ZZEF1: variants seen among roughly 807,000 people sequenced by gnomAD.
The protein encoded by ZZEF1 is zinc finger ZZ-type and EF-hand domain containing 1.
Under a neutral mutation model 342.8 loss-of-function variants are expected in ZZEF1, and 157 were observed. The ratio of observed to expected loss-of-function variants is 0.46; its 90% CI spans 0.40 to 0.52. ZZEF1 has a LOEUF of 0.52. ZZEF1 is among the 20% of genes least tolerant of loss of function. The pLI is 0.00. For missense variants in ZZEF1, 3,480 were observed against 3,725.6 expected (o/e 0.93, Z 1.72); for synonymous variants, 1,505 against 1,429.1 (o/e 1.05, Z -1.20).
intron 54 of ZZEF1, 118 bp from the exon 55 acceptor site, chr17:4,007,088 T>C: frequency 1.2e-6 from 1 of 854,992 alleles, no homozygotes; most frequent in East Asian, 2.7e-5. Flanking sequence ...GAACCAGATG[T>C]GTTCCCCTCC....
At chr17:4,034,682 G>A (rs1041247881) in intron 39 of ZZEF1, among the ~76,000 whole-genome samples, 1 of 152,108 alleles carries the variant, frequency 6.6e-6, no homozygotes, top group South Asian at 2.1e-4. Flanking sequence ...CTTTTTCTAT[G>A]CATATTTATT....
intron 32 of ZZEF1, 130 bp downstream of exon 32, chr17:4,057,863 TA>T: frequency 1.1e-6 from 1 of 890,108 alleles, no homozygotes; most frequent in Non-Finnish European, 1.7e-6. Context: ...GCCACTCGGC[TA>T]GGATGTGGCA....
Position 4,006,752 on chromosome 17 carries a change from G to A in ZZEF1, c.*138C>T. The stretch of plus-strand genomic sequence containing the variant: ...CACGGGAGCTCTTGGAGACGTGGCT[G>A]CTTGGCATCCTAACTGGAGTGGTCA... On this transcript the variant is annotated 3_prime_UTR_variant, in exon 55 of 55. Coordinates refer to ENST00000381638, the MANE Select transcript of ZZEF1 (RefSeq NM_015113.4). The A allele has an allele frequency of 1.1e-6, 1 of 872,026 alleles. No individual in the cohort carries two copies. Among genetic ancestry groups the A allele is most frequent in the Admixed American group, 2.0e-5 (1 of 49,644 alleles). The allele number at this position is 872,026 out of a possible 1,614,324, so 54.0% of individuals were successfully genotyped here. A position where few individuals can be genotyped will look rare whatever the true frequency, so the allele number is the denominator to read the frequency against.
At position 4,077,963 on chromosome 17, in the gene ZZEF1, C is replaced by T; in HGVS notation, c.2909G>A (p.Ser970Asn). The change falls in exon 19 of 55, where the codon AGC becomes AAC. Residue 970 changes from serine to asparagine, a missense_variant. By Grantham distance (46) the Ser-to-Asn change is conservative (BLOSUM62 1). Around this residue, in one of 5 missense-constraint regions of ZZEF1, gnomAD observed 1,528 missense variants for 1,624.1 expected, o/e 0.94. Transcript: ENST00000381638. ...LFSLFWSVQG[S>N]LLSWCYLQLK... ...CTGCAGGTAGCACCAGGATAGCAGG[C>T]TGCCTTGGACGGACCAGAACAGGGA... The T allele has an allele frequency of 6.2e-7, 1 of 1,614,178 alleles. No individual in the cohort carries two copies.
At chr17:4,018,028 C>T (rs1258647770) in intron 46 of ZZEF1, 57 bp from the exon 47 acceptor site, 3 of 1,596,690 alleles carry the variant, frequency 1.9e-6, no homozygotes, top group Non-Finnish European at 2.6e-6. Context: ...CAGTTTTAAC[C>T]TGCACTTAAA....
intron 19 of ZZEF1, 139 bp from the exon 20 acceptor site, chr17:4,077,128 C>T (rs1024438012): frequency 2.2e-5 from 15 of 691,910 alleles, no homozygotes; most frequent in African/African-American, 2.0e-4. Flanking sequence ...CAGCAAGTGC[C>T]GTCCTAATGC....
Position 4,050,901 on chromosome 17 carries a change from T to C in ZZEF1, c.5743A>G (p.Ser1915Gly). The part of the protein sequence containing the change: ...ALALYSAHLA[S>G]AEDVDGEKLD... ...TTCTCCCCATCCACATCCTCTGCAC[T>C]GGCCAGGTGGGCGCTATAGAGAGCC... The change falls in exon 36 of 55, where the codon AGT (serine) becomes GGT (glycine). Residue 1915 changes from serine to glycine, a missense_variant. Ser to Gly is a moderately conservative substitution (Grantham distance 56, BLOSUM62 0). Transcript: ENST00000381638. 6.2e-7 allele frequency: 1 copy of C among 1,614,186 alleles called. No individual in the cohort carries two copies. The highest frequency in any genetic ancestry group is 8.5e-7 in the Non-Finnish European group (1 of 1,180,022).
chr17:4,085,288 A>G (rs1215177507), intron 16 of ZZEF1, among the ~76,000 whole-genome samples: 1 of 152,150 alleles, frequency 6.6e-6, no homozygotes, highest in Non-Finnish European at 1.5e-5. Flanking sequence ...TGACTGTTGA[A>G]GCTAGGTGAC....
At chr17:4,098,993 T>C (rs2058083586) in intron 9 of ZZEF1, among the ~76,000 whole-genome samples, 1 of 152,212 alleles carries the variant, frequency 6.6e-6, no homozygotes, top group South Asian at 2.1e-4. Flanking sequence ...GGCTAAACTA[T>C]TGTCTAAAAG....
At position 4,011,941 on chromosome 17, in the gene ZZEF1, C is replaced by T. The variant is rs570683860; in HGVS notation, c.8579+1508G>A. ...CTTGTGTGTGGCCTCCGGGCCAAGCCCTCAGGCAGGCCCCTCTCTCACTCT... is the reference window on the plus strand; with the variant it reads ...CTTGTGTGTGGCCTCCGGGCCAAGCTCTCAGGCAGGCCCCTCTCTCACTCT... On this transcript the variant is annotated intron_variant, in intron 52 of 54. Transcript: ENST00000381638. 5.3e-5 allele frequency among the ~76,000 whole-genome samples: 8 copies of T among 152,312 alleles called. 1 individual carries two copies. The highest frequency in any genetic ancestry group is 3.3e-4 in the Admixed American group (5 of 15,302).
intron 30 of ZZEF1, 43 bp downstream of exon 30, chr17:4,062,710 T>C: frequency 6.6e-7 from 1 of 1,526,426 alleles, no homozygotes; most frequent in Non-Finnish European, 8.8e-7. Flanking sequence ...TTATTTACAA[T>C]GATCTTTGCT....
intron 19 of ZZEF1, among the ~76,000 whole-genome samples, 186 bp downstream of exon 19, chr17:4,077,697 G>A (rs1420583054): frequency 6.6e-6 from 1 of 152,134 alleles, no homozygotes; most frequent in Admixed American, 6.5e-5. Context: ...CACACTCAGA[G>A]AGTAAACTCT....
chr17:4,043,519 G>A (rs2056846757), intron 38 of ZZEF1, among the ~76,000 whole-genome samples: 1 of 152,194 alleles, frequency 6.6e-6, no homozygotes, highest in Non-Finnish European at 1.5e-5. Context: ...ATAAGGAGGA[G>A]GCTGGGACTT....
chr17:4,096,717 C>T lies in ZZEF1; in HGVS notation c.1673-17G>A. ...TAAGAAAACCTGAAAAAAGGGAAAA[C>T]TCAAGTTAGGGAACTAACCCATTTT... On this transcript the variant is annotated splice_polypyrimidine_tract_variant and intron_variant, in intron 9 of 54. Coordinates refer to ENST00000381638, the MANE Select transcript of ZZEF1 (RefSeq NM_015113.4). The T allele has an allele frequency of 1.9e-6, 3 of 1,611,194 alleles. No individual in the cohort carries two copies. The highest frequency in any genetic ancestry group is 1.7e-4 in the Middle Eastern group (1 of 6,054).
At position 4,032,831 on chromosome 17, in the gene ZZEF1, G is replaced by A. The variant is rs2056578194; in HGVS notation, c.6756C>T (p.Pro2252=). 1 of 1,613,856 alleles carries A rather than the reference G, an allele frequency of 6.2e-7. No homozygotes were observed. Among genetic ancestry groups the A allele is most frequent in the African/African-American group, 1.3e-5 (1 of 74,928 alleles). The part of the protein sequence containing the change: ...IFTLLVLVGF[P]QVLCVGTRCV... ...TCAGGCCTTCAGAGTGTGGTACCTG[G>A]GGGAAGCCAACCAGCACGAGCAGGG... Residue 2252 remains proline, a synonymous_variant, in exon 41 of 55, where the codon CCC becomes CCT. Coordinates refer to ENST00000381638, the MANE Select transcript of ZZEF1 (RefSeq NM_015113.4).
At chr17:4,107,811 G>A (rs1339848837) in intron 6 of ZZEF1, among the ~76,000 whole-genome samples, 2 of 152,206 alleles carry the variant, frequency 1.3e-5, no homozygotes, top group Admixed American at 6.5e-5. Flanking sequence ...TTGGGAGACC[G>A]AGGTGGGTGG....
intron 46 of ZZEF1, 75 bp from the exon 47 acceptor site, chr17:4,018,046 G>A (rs1233455690): frequency 1.0e-5 from 16 of 1,569,840 alleles, no homozygotes; most frequent in Non-Finnish European, 1.2e-5. Context: ...AAACTTGTTG[G>A]CAATGTTCTT....
At chr17:4,036,078 C>CAAAAA (rs34564566) in intron 39 of ZZEF1, among the ~76,000 whole-genome samples, 5 of 92,756 alleles carry the variant, frequency 5.4e-5, no homozygotes, top group Admixed American at 2.2e-4. Flanking sequence ...ACAGCCTGTC[C>CAAAAA]AAAAAAAAAA....
chr17:4,131,966 T>C (rs1255410008), intron 1 of ZZEF1, among the ~76,000 whole-genome samples: 1 of 152,010 alleles, frequency 6.6e-6, no homozygotes, highest in Non-Finnish European at 1.5e-5. Flanking sequence ...TCATCACTGA[T>C]GGTGGAAATA....
Sources: allele counts gnomAD v4.1 joint callset (sites outside exome capture counted in the v4.1 genomes callset), GRCh38; gene constraint gnomAD v4.1.1; regional missense constraint gnomAD v4.1.1; transcripts MANE v1.5; gene names NCBI Gene and HGNC (gene_info 2026-07-23, HGNC 2026-07-21).